The following OTOF variants were observed in gnomAD, a reference collection of about 807,000 sequenced individuals.
OTOF encodes fer-1-like family member 2.
OTOF carries 218 observed loss-of-function variants against 236.8 expected under a neutral mutation model. The ratio of observed to expected loss-of-function variants is 0.92; its 90% CI spans 0.82 to 1.03. OTOF has a LOEUF of 1.03. Ranked by LOEUF, OTOF falls within the 50% of genes least tolerant of loss-of-function variation. OTOF has a pLI of 0.00. For synonymous variants in OTOF, 1,041 were observed against 1,072.5 expected (o/e 0.97, Z 0.57); for missense variants, 2,590 against 2,694.4 (o/e 0.96, Z 0.86).
rs758291439 is a variant in OTOF, at chr2:26,475,497, C to A, written c.2992-4G>T. Reference sequence around the variant, plus strand: ...GACACAGGGTCTCATTCAGCACCTGCAGCATGGGATGGGGAGACAGGGGAC... The same window carrying A: ...GACACAGGGTCTCATTCAGCACCTGAAGCATGGGATGGGGAGACAGGGGAC... On this transcript the variant is annotated splice_polypyrimidine_tract_variant and splice_region_variant and intron_variant, in intron 24 of 46. Coordinates refer to ENST00000272371, the MANE Select transcript of OTOF (RefSeq NM_194248.3). 1 of 1,612,220 alleles carries A rather than the reference C, an allele frequency of 6.2e-7. No homozygotes were observed. The highest frequency in any genetic ancestry group is 1.1e-5 in the South Asian group (1 of 91,058).
In OTOF at chr2:26,477,166, C is replaced by A; in HGVS notation, c.2523+6G>T. ...TGAGGCAAAGCCCCGACCCCTTGGG[C>A]CGCACCTCGTCCGCCAGGAAGCGCA... On this transcript the variant is annotated splice_donor_region_variant and intron_variant, in intron 21 of 46. Transcript: ENST00000272371. The surrounding 1 kb of genome is among the most constrained non-coding windows in gnomAD (Gnocchi z 4.7). The A allele has an allele frequency of 1.2e-6, 2 of 1,608,268 alleles. No homozygotes were observed. Among genetic ancestry groups the A allele is most frequent in the Non-Finnish European group, 1.7e-6 (2 of 1,178,424 alleles).
intron 5 of OTOF, among the ~76,000 whole-genome samples, chr2:26,511,997 T>C (rs1262325629): frequency 6.6e-6 from 1 of 152,118 alleles, no homozygotes; most frequent in African/African-American, 2.4e-5. Context: ...CCCACTGCCC[T>C]CTGGCCCCAG....
intron 1 of OTOF, among the ~76,000 whole-genome samples, chr2:26,539,105 G>A (rs988931934): frequency 6.6e-6 from 1 of 152,004 alleles, no homozygotes. Context: ...GAGTCACCGC[G>A]CCAGGCCTCC....
At chr2:26,467,052 GC>G in intron 35 of OTOF, 46 bp downstream of exon 35, 1 of 1,576,488 alleles carries the variant, frequency 6.3e-7, no homozygotes, top group Non-Finnish European at 8.7e-7. Context: ...TGTGGGGGGG[GC>G]AAGGGCTGGC....
Position 26,473,051 on chromosome 2 carries a change from G to T in OTOF, c.3733+81C>A. On this transcript the variant is annotated intron_variant, in intron 29 of 46. Coordinates refer to ENST00000272371, the MANE Select transcript of OTOF (RefSeq NM_194248.3). The surrounding 1 kb of genome is among the most constrained non-coding windows in gnomAD (Gnocchi z 7.2). ...GCCCCAAAGAGCAAACTCTGGTCGC[G>T]GCTTGGACTGGGCGGAGACCTGGAG... 2.1e-6 allele frequency: 3 copies of T among 1,450,602 alleles called. No homozygotes were observed. The South Asian group carries it at 3.6e-5, about 17-fold the overall frequency. The allele number at this position is 1,450,602 out of a possible 1,614,324, so 89.9% of individuals were successfully genotyped here.
At chr2:26,548,142 T>C (rs1053153651) in intron 1 of OTOF, among the ~76,000 whole-genome samples, 21 of 152,238 alleles carry the variant, frequency 1.4e-4, no homozygotes, top group African/African-American at 5.1e-4. Context: ...CTGATATTGG[T>C]AATTTGTGTT....
chr2:26,481,041 G>A, intron 14 of OTOF, 32 bp from the exon 15 acceptor site: 5 of 1,531,258 alleles, frequency 3.3e-6, no homozygotes, highest in Non-Finnish European at 4.5e-6. Flanking sequence ...TGAGGGGGCA[G>A]CGTCACATCC....
intron 3 of OTOF, among the ~76,000 whole-genome samples, chr2:26,524,824 G>A (rs1348415150): frequency 6.6e-6 from 1 of 152,248 alleles, no homozygotes; most frequent in East Asian, 1.9e-4. Flanking sequence ...TGTGACCTCA[G>A]GTTCCCCTCT....
At chr2:26,558,296 G>T (rs75336216) in intron 1 of OTOF, among the ~76,000 whole-genome samples, 197 bp downstream of exon 1, 18 of 152,186 alleles carry the variant, frequency 1.2e-4, no homozygotes, top group Admixed American at 2.0e-4. Flanking sequence ...AAGAACAGGG[G>T]ACCCTGATTT....
chr2:26,549,322 C>T (rs1667405237), intron 1 of OTOF, among the ~76,000 whole-genome samples: 1 of 152,092 alleles, frequency 6.6e-6, no homozygotes, highest in Non-Finnish European at 1.5e-5. Flanking sequence ...CAATTTTTTT[C>T]CCCATGAGAA....
chr2:26,482,892 CGT>C (rs1440292324), intron 13 of OTOF, among the ~76,000 whole-genome samples: 3 of 106,890 alleles, frequency 2.8e-5, no homozygotes, highest in East Asian at 3.2e-4. Context: ...TGCATGTGTG[CGT>C]GTGTTAATGG....
At chr2:26,533,864 C>T (rs143272113) in intron 2 of OTOF, among the ~76,000 whole-genome samples, 2,290 of 152,122 alleles carry the variant, frequency 0.015, 30 homozygotes, top group Non-Finnish European at 0.025. Flanking sequence ...GCGTTTCTGG[C>T]CTCCAGGAGG....
At chr2:26,538,693 A>G (rs1191859328) in intron 1 of OTOF, among the ~76,000 whole-genome samples, 4 of 152,160 alleles carry the variant, frequency 2.6e-5, no homozygotes, top group Non-Finnish European at 5.9e-5. Flanking sequence ...GTTCTAGGCC[A>G]TGTCCCGGGG....
At chr2:26,476,777 T>A (rs1665316999) in intron 22 of OTOF, 114 bp downstream of exon 22, 1 of 816,340 alleles carries the variant, frequency 1.2e-6, no homozygotes, top group Non-Finnish European at 2.0e-6. Context: ...GGCTCTTCTC[T>A]GAGCACCTGC....
At chr2:26,491,453 T>A (rs368660596) in intron 9 of OTOF, among the ~76,000 whole-genome samples, 150 of 152,274 alleles carry the variant, frequency 9.9e-4, no homozygotes, top group South Asian at 8.9e-3. Flanking sequence ...GTTCCTGTCC[T>A]TGAGCACACA....
In OTOF at chr2:26,516,339, C is replaced by T. The variant is rs1666522768; in HGVS notation, c.509+79G>A. On this transcript the variant is annotated intron_variant, in intron 5 of 46. Transcript: ENST00000272371. Reference sequence around the variant, plus strand: ...CTGAGCCCAGCTAGGCCTAGAGAGGCCTGTCAGTAGGACCAGGCCCCAGGT... The same window carrying T: ...CTGAGCCCAGCTAGGCCTAGAGAGGTCTGTCAGTAGGACCAGGCCCCAGGT... The T allele has an allele frequency of 6.7e-6, 9 of 1,351,974 alleles. No homozygotes were observed. The East Asian group carries it at 9.2e-5, about 14-fold the overall frequency. 83.7% of individuals were successfully genotyped at this position (1,351,974 alleles called of 1,614,324 possible).
Position 26,465,734 on chromosome 2 carries a change from G to A in OTOF, c.4737C>T (p.Asp1579=). The change falls in exon 38 of 47, where the codon GAC becomes GAT. Residue 1579 remains aspartate, a synonymous_variant. Transcript: ENST00000272371. ...TDDLIGETKI[D]LENRFYSKHR... is the part of the protein sequence containing the mutation. ...GCTTGCTGTAGAAGCGGTTCTCCAG[G>A]TCGATCTTGGTTTCCCCAATGAGGT... 1 of 1,614,262 alleles carries A rather than the reference G, an allele frequency of 6.2e-7. No individual in the cohort carries two copies. Among genetic ancestry groups the A allele is most frequent in the African/African-American group, 1.3e-5 (1 of 75,076 alleles).
chr2:26,540,939 G>A (rs1446169571), intron 1 of OTOF, among the ~76,000 whole-genome samples: 4 of 152,240 alleles, frequency 2.6e-5, no homozygotes, highest in Non-Finnish European at 4.4e-5. Flanking sequence ...ATCAAGGGAG[G>A]AGAGGGAAAG....
At chr2:26,507,932 G>A (rs1051917595) in intron 5 of OTOF, among the ~76,000 whole-genome samples, 5 of 152,178 alleles carry the variant, frequency 3.3e-5, no homozygotes, top group African/African-American at 1.2e-4. Flanking sequence ...AGATTTAGAA[G>A]CGTGTTGCTG....
Sources: gnomAD v4.1 joint callset for allele counts (sites outside exome capture counted in the v4.1 genomes callset) on GRCh38, gnomAD v4.1.1 for gene constraint, Gnocchi (gnomAD v3.1) non-coding constraint, MANE v1.5 for transcripts, NCBI Gene and HGNC (gene_info 2026-07-23, HGNC 2026-07-21) for gene names.